CD37: variants seen among roughly 807,000 people sequenced by gnomAD.
CD37 encodes the protein leukocyte antigen CD37.
CD37 carries 37 observed loss-of-function variants against 38.9 expected under a neutral mutation model. The ratio of observed to expected loss-of-function variants is 0.95; its 90% confidence interval spans 0.73 to 1.25. The LOEUF (loss-of-function observed/expected upper bound fraction) is 1.25. CD37 is among the 50% of genes most tolerant of loss of function. CD37 has a pLI of 0.00. For synonymous variants in CD37, 146 were observed against 150.1 expected, an observed-to-expected ratio of 0.97 and a Z score of 0.20; for missense variants, 351 against 360.1, an observed-to-expected ratio of 0.97 and a Z score of 0.20.
At chr19:49,337,310 G>A (rs2146210807) in intron 4 of CD37, 89 bp downstream of exon 4, 1 of 1,205,460 alleles carries the variant, frequency 8.3e-7, no homozygotes, top group Non-Finnish European at 1.2e-6. Context: ...ACCGAAACAA[G>A]GGCAGACAGG....
chr19:49,339,895 G>C lies in CD37; in HGVS notation c.769-356G>C. 1.5e-6 allele frequency: 2 copies of C among 1,346,636 alleles called. No homozygotes were observed. Among genetic ancestry groups the C allele is most frequent in the Non-Finnish European group, 1.9e-6 (2 of 1,043,858 alleles). 83.4% of individuals were successfully genotyped at this position (1,346,636 alleles called of 1,614,324 possible). On this transcript the variant is annotated intron_variant, in intron 7 of 7. Coordinates refer to ENST00000323906, the MANE Select transcript of CD37 (RefSeq NM_001774.3). This position sits in a 1 kb window ranked among gnomAD's most constrained non-coding sequence, Gnocchi z 4.5. ...GGCCCTGGGGCTCTGGCCGCTGTGG[G>C]TTCAAGACGAGGACCAGCCTGACAC...
Position 49,337,923 on chromosome 19 carries a change from A to G in CD37, c.343-2A>G, listed in dbSNP as rs142803870. 1 of 1,614,062 alleles carries G rather than the reference A, an allele frequency of 6.2e-7. No individual in the cohort carries two copies. The highest frequency in any genetic ancestry group is 1.3e-5 in the African/African-American group (1 of 75,020). On this transcript the variant is annotated splice_acceptor_variant, in intron 4 of 7. Coordinates refer to ENST00000323906, the MANE Select transcript of CD37 (RefSeq NM_001774.3). LOFTEE classifies it high-confidence loss of function. ...GGCCCAGCCTCACTGGTGGCCTCTC[A>G]GCTGGAGCGAAGCTTGCGGGACGTC...
chr19:49,339,423 C>T lies in CD37; in HGVS notation c.768+10C>T. ...CGTCGGCCTACTCGAGGTGATCTGG[C>T]CCCGCCCCCACCCGCGATCGGCCCT... On this transcript the variant is annotated intron_variant, in intron 7 of 7. Coordinates refer to ENST00000323906, the MANE Select transcript of CD37 (RefSeq NM_001774.3). The surrounding 1 kb of genome is among the most constrained non-coding windows in gnomAD (Gnocchi z 4.5). 9 of 1,611,448 alleles carry T rather than the reference C, an allele frequency of 5.6e-6. No individual in the cohort carries two copies. Among genetic ancestry groups the T allele is most frequent in the Non-Finnish European group, 7.6e-6 (9 of 1,178,064 alleles).
intron 4 of CD37, 168 bp from the exon 5 acceptor site, chr19:49,337,757 A>G (rs2146212499): frequency 6.5e-7 from 1 of 1,537,566 alleles, no homozygotes; most frequent in East Asian, 2.4e-5. Flanking sequence ...AGCCGTAGAA[A>G]TAGTGGAAGA....
chr19:49,337,633 C>T (rs1382027692), intron 4 of CD37: 1 of 1,494,006 alleles, frequency 6.7e-7, no homozygotes, highest in Non-Finnish European at 8.9e-7. Flanking sequence ...TAGAAAGACA[C>T]ACCGACCTGG....
In CD37 at chr19:49,339,811, G is replaced by T; in HGVS notation, c.768+398G>T. On this transcript the variant is annotated intron_variant, in intron 7 of 7. Coordinates refer to ENST00000323906, the MANE Select transcript of CD37 (RefSeq NM_001774.3). The surrounding 1 kb of genome is among the most constrained non-coding windows in gnomAD (Gnocchi z 4.5). ...CAGCGGCAGTCTGTGGGGTGGCTGGGGCATGGCGGGTGCCTGCCCCAACTG... is the reference window on the plus strand; with the variant it reads ...CAGCGGCAGTCTGTGGGGTGGCTGGTGCATGGCGGGTGCCTGCCCCAACTG... 1 of 1,352,600 alleles carries T rather than the reference G, an allele frequency of 7.4e-7. No homozygotes were observed. The highest frequency in any genetic ancestry group is 1.7e-5 in the South Asian group (1 of 60,444). 83.8% of individuals were successfully genotyped at this position (1,352,600 alleles called of 1,614,324 possible). A position where few individuals can be genotyped will look rare whatever the true frequency, so the allele number is the denominator to read the frequency against.
intron 4 of CD37, chr19:49,337,576 C>T (rs1971003769): frequency 7.6e-7 from 1 of 1,316,306 alleles, no homozygotes; most frequent in Non-Finnish European, 1.0e-6. Flanking sequence ...GAGCCATGCA[C>T]TCAGCCTGGG....
chr19:49,340,123 A>C, intron 7 of CD37, 128 bp from the exon 8 acceptor site: 41 of 1,521,780 alleles, frequency 2.7e-5, no homozygotes, highest in East Asian at 7.1e-5. Flanking sequence ...TTTTCTACCT[A>C]TCCCCTTCTC....
Position 49,339,914 on chromosome 19 carries a change from C to G in CD37, c.769-337C>G. The G allele has an allele frequency of 7.3e-7, 1 of 1,361,578 alleles. No individual in the cohort carries two copies. Among genetic ancestry groups the G allele is most frequent in the African/African-American group, 1.5e-5 (1 of 68,182 alleles). The allele number at this position is 1,361,578 out of a possible 1,614,324, so 84.3% of individuals were successfully genotyped here. A position where few individuals can be genotyped will look rare whatever the true frequency, so the allele number is the denominator to read the frequency against. ...CTGTGGGTTCAAGACGAGGACCAGC[C>G]TGACACTGGAAGTGCGGGCGCAGAA... On this transcript the variant is annotated intron_variant, in intron 7 of 7. Coordinates refer to ENST00000323906, the MANE Select transcript of CD37 (RefSeq NM_001774.3). The surrounding 1 kb of genome is among the most constrained non-coding windows in gnomAD (Gnocchi z 4.5).
rs115652338 is a variant in CD37, at chr19:49,338,869, A to T, written c.617A>T (p.His206Leu). The T allele has an allele frequency of 5.4e-4, 873 of 1,614,112 alleles. 6 individuals carry two copies. The African/African-American group carries it at 0.011, about 20-fold the overall frequency. The change falls in exon 6 of 8, where the codon CAC (histidine) becomes CTC (leucine). Residue 206 changes from histidine (H) to leucine (L), a missense_variant. Coordinates refer to ENST00000323906, the MANE Select transcript of CD37 (RefSeq NM_001774.3). The surrounding 1 kb of genome is among the most constrained non-coding windows in gnomAD (Gnocchi z 5.0). ...VILPQLSRLGHLARSRHSADI... is the reference protein window; with the variant it reads ...VILPQLSRLGLLARSRHSADI... ...TTGCCCCAGCTCAGCAGGCTTGGAC[A>T]CCTGGCGCGGTCCAGACACAGTGCA...
chr19:49,339,606 G>T lies in CD37; in HGVS notation c.768+193G>T. The stretch of plus-strand genomic sequence containing the variant: ...TTCAGGGAGCCCTGATTGGGTGTAC[G>T]CAGGGAAAGCCTCCTGCTATTGGCT... On this transcript the variant is annotated intron_variant, in intron 7 of 7. Transcript: ENST00000323906. The surrounding 1 kb of genome is among the most constrained non-coding windows in gnomAD (Gnocchi z 4.5). The T allele has an allele frequency of 2.1e-6, 3 of 1,439,740 alleles. No homozygotes were observed. The highest frequency in any genetic ancestry group is 2.7e-6 in the Non-Finnish European group (3 of 1,101,952). The allele number at this position is 1,439,740 out of a possible 1,614,324, so 89.2% of individuals were successfully genotyped here. A position where few individuals can be genotyped will look rare whatever the true frequency, so the allele number is the denominator to read the frequency against.
In CD37 at chr19:49,340,410, C is replaced by T. The variant is rs1971188186; in HGVS notation, c.*82C>T. ...TGCTGCCTGTAAATATTTGTTTAAT[C>T]CCCAGTTCGCCTGGAGCCCTCCGCC... On this transcript the variant is annotated 3_prime_UTR_variant, in exon 8 of 8. Coordinates refer to ENST00000323906, the MANE Select transcript of CD37 (RefSeq NM_001774.3). The T allele has an allele frequency of 4.1e-6, 4 of 981,270 alleles. No homozygotes were observed. Among genetic ancestry groups the T allele is most frequent in the Non-Finnish European group, 6.4e-6 (4 of 622,568 alleles). The allele number at this position is 981,270 out of a possible 1,614,324, so 60.8% of individuals were successfully genotyped here.
Position 49,339,336 on chromosome 19 carries a change from G to C in CD37, c.691G>C (p.Ala231Pro). 1 of 1,613,924 alleles carries C rather than the reference G, an allele frequency of 6.2e-7. No homozygotes were observed. Residue 231 changes from alanine to proline, a missense_variant, in exon 7 of 8, where the codon GCG (alanine) becomes CCG (proline). Coordinates refer to ENST00000323906, the MANE Select transcript of CD37 (RefSeq NM_001774.3). The surrounding 1 kb of genome is among the most constrained non-coding windows in gnomAD (Gnocchi z 4.5). The stretch of plus-strand genomic sequence containing the variant: ...TTTTCCCTACACCCCCCAGGGCTGC[G>C]CGCAGGGCCTCCAGAAGTGGCTGCA... Reference protein sequence around the residue: ...AESHIYREGCAQGLQKWLHNN... With the variant: ...AESHIYREGCPQGLQKWLHNN...
chr19:49,336,663 G>T, intron 2 of CD37: 1 of 476,002 alleles, frequency 2.1e-6, no homozygotes, highest in Non-Finnish European at 3.8e-6. Flanking sequence ...TACTGGGGAC[G>T]AGGAGGAGCT....
At chr19:49,337,886 C>T (rs377763244) in intron 4 of CD37, 39 bp from the exon 5 acceptor site, 1 of 1,202,136 alleles carries the variant, frequency 8.3e-7, no homozygotes, top group Non-Finnish European at 1.2e-6. Context: ...AGGGGTGGGG[C>T]GGGGAAGATA....
chr19:49,340,338 T>TC lies in CD37; in HGVS notation c.*14dup. 1 of 1,510,310 alleles carries TC rather than the reference T, an allele frequency of 6.6e-7. No individual in the cohort carries two copies. The allele number at this position is 1,510,310 out of a possible 1,614,324, so 93.6% of individuals were successfully genotyped here. On this transcript the variant is annotated 3_prime_UTR_variant, in exon 8 of 8. Transcript: ENST00000323906. ...CGCTCGATACCGTTAGGCCCCGCCC[T>TC]CCCCAAAGTCCCGCCCCGCCCCCGT...
In CD37 at chr19:49,336,941, A is replaced by G; in HGVS notation, c.175A>G (p.Lys59Glu). The G allele has an allele frequency of 6.2e-7, 1 of 1,614,188 alleles. No homozygotes were observed. The highest frequency in any genetic ancestry group is 1.1e-5 in the South Asian group (1 of 91,080). Reference protein sequence around the residue: ...LAFVPLQIWSKVLAISGIFTM... With the variant: ...LAFVPLQIWSEVLAISGIFTM... The stretch of plus-strand genomic sequence containing the variant: ...CTTCGTGCCTCTGCAGATCTGGTCC[A>G]AAGTCCTGGCCATCTCAGGAATCTT... Residue 59 changes from lysine (K) to glutamate (E), a missense_variant, in exon 3 of 8, where the codon AAA (lysine) becomes GAA (glutamate). Coordinates refer to ENST00000323906, the MANE Select transcript of CD37 (RefSeq NM_001774.3).
At position 49,340,446 on chromosome 19, in the gene CD37, C is replaced by A; in HGVS notation, c.*118C>A. The A allele has an allele frequency of 1.3e-6, 1 of 762,260 alleles. No homozygotes were observed. The highest frequency in any genetic ancestry group is 2.3e-6 in the Non-Finnish European group (1 of 437,078). The allele number at this position is 762,260 out of a possible 1,614,324, so 47.2% of individuals were successfully genotyped here. A position where few individuals can be genotyped will look rare whatever the true frequency, so the allele number is the denominator to read the frequency against. On this transcript the variant is annotated 3_prime_UTR_variant, in exon 8 of 8. Coordinates refer to ENST00000323906, the MANE Select transcript of CD37 (RefSeq NM_001774.3). The stretch of plus-strand genomic sequence containing the variant: ...CTGGAGCCCTCCGCCTTCACATTCC[C>A]CTGGGGACCCACGTGGCTGCGTGCC...
Position 49,338,007 on chromosome 19 carries a change from G to C in CD37, c.425G>C (p.Ser142Thr). 6.2e-7 allele frequency: 1 copy of C among 1,613,984 alleles called. No individual in the cohort carries two copies. The highest frequency in any genetic ancestry group is 8.5e-7 in the Non-Finnish European group (1 of 1,179,960). ...TNPEETAAEE[S>T]WDYVQFQLRC... Reference sequence around the variant, plus strand: ...CCCGAGGAGACCGCGGCCGAGGAGAGCTGGGACTATGTGCAGTTCCAGGTA... The same window carrying C: ...CCCGAGGAGACCGCGGCCGAGGAGACCTGGGACTATGTGCAGTTCCAGGTA... The change falls in exon 5 of 8, where the codon AGC becomes ACC. Residue 142 changes from serine to threonine, a missense_variant. Coordinates refer to ENST00000323906, the MANE Select transcript of CD37 (RefSeq NM_001774.3). The surrounding 1 kb of genome is among the most constrained non-coding windows in gnomAD (Gnocchi z 5.0).
Sources: gnomAD v4.1 joint callset for allele counts on GRCh38, gnomAD v4.1.1 for gene constraint, Gnocchi (gnomAD v3.1) non-coding constraint, MANE v1.5 for transcripts, NCBI Gene and HGNC (gene_info 2026-07-23, HGNC 2026-07-21) for gene names.